The following GPBP1L1 variants were observed in gnomAD, a reference collection of about 807,000 sequenced individuals.
The protein encoded by GPBP1L1 is GC-rich promoter binding protein 1 like 1.
GPBP1L1 carries 23 observed loss-of-function variants against 52.5 expected under a neutral mutation model. That is an observed-to-expected ratio of 0.44 (90% CI 0.32 to 0.62). The LOEUF (loss-of-function observed/expected upper bound fraction) is 0.62, where lower values mean the gene tolerates loss of function less well. Among genes scored for constraint, GPBP1L1 ranks in the 20% least tolerant of loss-of-function variants. GPBP1L1 has a pLI of 0.06. For synonymous variants in GPBP1L1, 243 were observed against 203.1 expected, an observed-to-expected ratio of 1.20 and a Z score of -1.67; for missense variants, 596 against 579.3, an observed-to-expected ratio of 1.03 and a Z score of -0.30.
At chr1:45,655,091 GA>G (rs2148471512) in intron 5 of GPBP1L1, 98 bp downstream of exon 5, 2 of 1,459,492 alleles carry the variant, frequency 1.4e-6, no homozygotes, top group East Asian at 2.3e-5. Flanking sequence ...ACTATGTTCA[GA>G]AAAGATCCTA....
Position 45,628,412 on chromosome 1 carries a change from T to C in GPBP1L1, c.1273-4A>G, listed in dbSNP as rs1354114048. The stretch of plus-strand genomic sequence containing the variant: ...TTCCAAAGCCATTTCTTCTCAGCTA[T>C]GGTTAGCATGGGAGAGAAAGAAAAA... On this transcript the variant is annotated splice_polypyrimidine_tract_variant and splice_region_variant and intron_variant, in intron 12 of 12. Coordinates refer to ENST00000355105, the MANE Select transcript of GPBP1L1 (RefSeq NM_021639.5). 3.7e-6 allele frequency: 6 copies of C among 1,613,382 alleles called. No homozygotes were observed. Among genetic ancestry groups the C allele is most frequent in the African/African-American group, 2.7e-5 (2 of 74,878 alleles).
intron 2 of GPBP1L1, among the ~76,000 whole-genome samples, chr1:45,664,644 C>T (rs1644988219): frequency 6.6e-6 from 1 of 151,628 alleles, no homozygotes; most frequent in African/African-American, 2.4e-5. Flanking sequence ...GTCTCAAATG[C>T]CTGAGCTCAA....
intron 8 of GPBP1L1, among the ~76,000 whole-genome samples, chr1:45,635,988 T>C (rs558251409): frequency 6.6e-6 from 1 of 152,326 alleles, no homozygotes; most frequent in Admixed American, 6.5e-5. Flanking sequence ...CACCTTCTTA[T>C]TGCCAAACTT....
At chr1:45,687,879 A>T (rs1478684475), upstream of GPBP1L1, 2 of 152,234 alleles carry the variant, frequency 1.3e-5, no homozygotes. Context: ...CATAAGTCCC[A>T]CAGATGGCAA....
chr1:45,662,203 C>T (rs1417500966), intron 2 of GPBP1L1, among the ~76,000 whole-genome samples: 2 of 152,152 alleles, frequency 1.3e-5, no homozygotes, highest in East Asian at 1.9e-4. Context: ...GATCGTAGCT[C>T]GCTGCATCCT....
intron 2 of GPBP1L1, among the ~76,000 whole-genome samples, chr1:45,668,182 A>T (rs1244194806): frequency 1.3e-5 from 2 of 152,190 alleles, no homozygotes; most frequent in Non-Finnish European, 2.9e-5. Flanking sequence ...ATTCCCATTA[A>T]GTTAATCTAA....
chr1:45,685,647 T>C (rs1282747433), intron 1 of GPBP1L1, 27 bp from the exon 2 acceptor site: 1 of 152,174 alleles, frequency 6.6e-6, no homozygotes, highest in Admixed American at 6.5e-5. Flanking sequence ...TATCAAAAGA[T>C]TCAGTTAATG....
intron 2 of GPBP1L1, among the ~76,000 whole-genome samples, chr1:45,662,551 A>T (rs1407565634): frequency 1.3e-5 from 2 of 152,218 alleles, no homozygotes; most frequent in Admixed American, 6.5e-5. Flanking sequence ...CCAATTCAGC[A>T]GCCTTGCACT....
At chr1:45,673,270 G>C (rs1645096399) in intron 2 of GPBP1L1, among the ~76,000 whole-genome samples, 1 of 152,206 alleles carries the variant, frequency 6.6e-6, no homozygotes, top group Admixed American at 6.5e-5. Context: ...CAACTAAGTA[G>C]ACAGCAAGAC....
At chr1:45,650,320 T>A (rs896614040) in intron 6 of GPBP1L1, among the ~76,000 whole-genome samples, 1 of 152,184 alleles carries the variant, frequency 6.6e-6, no homozygotes, top group Non-Finnish European at 1.5e-5. Context: ...ACCACACTTG[T>A]CAATTTTGAA....
chr1:45,660,235 G>T lies in GPBP1L1; in HGVS notation c.-107C>A. Reference sequence around the variant, plus strand: ...TTTCTGAACTCGAGTCGGCCAGCTGGATCTCCCACAAGGTTTCCTTGTTAA... The same window carrying T: ...TTTCTGAACTCGAGTCGGCCAGCTGTATCTCCCACAAGGTTTCCTTGTTAA... On this transcript the variant is annotated 5_prime_UTR_variant, in exon 3 of 13. Coordinates refer to ENST00000355105, the MANE Select transcript of GPBP1L1 (RefSeq NM_021639.5). 1 of 985,262 alleles carries T rather than the reference G, an allele frequency of 1.0e-6. No individual in the cohort carries two copies. Among genetic ancestry groups the T allele is most frequent in the Non-Finnish European group, 1.2e-6 (1 of 829,930 alleles). 61.0% of individuals were successfully genotyped at this position (985,262 alleles called of 1,614,324 possible).
At chr1:45,678,939 C>T (rs1183321351) in intron 2 of GPBP1L1, among the ~76,000 whole-genome samples, 1 of 152,158 alleles carries the variant, frequency 6.6e-6, no homozygotes, top group Non-Finnish European at 1.5e-5. Context: ...AGACTACAAT[C>T]TGGAAAAAAA....
intron 2 of GPBP1L1, among the ~76,000 whole-genome samples, chr1:45,676,421 C>A (rs1166840397): frequency 1.3e-5 from 2 of 151,720 alleles, no homozygotes; most frequent in South Asian, 4.1e-4. Context: ...GGAAACAGGG[C>A]AAGACCCCAT....
At chr1:45,661,521 T>C (rs1644947057) in intron 2 of GPBP1L1, among the ~76,000 whole-genome samples, 1 of 151,800 alleles carries the variant, frequency 6.6e-6, no homozygotes, top group East Asian at 1.9e-4. Flanking sequence ...AATGTCGCCA[T>C]CTCAGCTCAC....
rs768406667 is a variant in GPBP1L1 at position 45,628,330 on chromosome 1, A to T, written c.1351T>A (p.Cys451Ser). 3.1e-6 allele frequency: 5 copies of T among 1,614,070 alleles called. No individual in the cohort carries two copies. In the East Asian group the frequency reaches 6.7e-5, roughly 22 times the overall value. ...SSLFSPWRST[C>S]KAEFEDSDTE... is the part of the protein sequence containing the mutation. ...TCTGAGTCCTCAAACTCTGCTTTGC[A>T]AGTGCTTCTCCAAGGGGAGAACAGA... is the stretch of plus-strand genomic sequence containing the variant. The change falls in exon 13 of 13, where the codon TGC (cysteine) becomes AGC (serine). Residue 451 changes from cysteine (C) to serine (S), a missense_variant. Coordinates refer to ENST00000355105, the MANE Select transcript of GPBP1L1 (RefSeq NM_021639.5).
At chr1:45,647,048 A>G (rs944371632) in intron 6 of GPBP1L1, among the ~76,000 whole-genome samples, 1 of 148,138 alleles carries the variant, frequency 6.8e-6, no homozygotes, top group African/African-American at 2.5e-5. Context: ...AATATTATTT[A>G]TTCTCTTTAT....
chr1:45,655,112 T>C (rs1304112035), intron 5 of GPBP1L1, 78 bp downstream of exon 5: 1 of 1,542,260 alleles, frequency 6.5e-7, no homozygotes, highest in African/African-American at 1.4e-5. Flanking sequence ...ATTTCAAGAT[T>C]ACAGACATGT....
chr1:45,657,687 C>A (rs1006123823), intron 4 of GPBP1L1, among the ~76,000 whole-genome samples: 1 of 151,952 alleles, frequency 6.6e-6, no homozygotes, highest in African/African-American at 2.4e-5. Context: ...CCTATCTCTA[C>A]AAAAAACCCA....
At position 45,686,461 on chromosome 1, in the gene GPBP1L1, G is replaced by A. The variant is rs1240483014; in HGVS notation, c.-1192C>T. ...GGGACTAGACGCTGCGTCTGAGGACGCGTCCCCAGCTTGTCGACCCGGCAG... is the reference window on the plus strand; with the variant it reads ...GGGACTAGACGCTGCGTCTGAGGACACGTCCCCAGCTTGTCGACCCGGCAG... On this transcript the variant is annotated 5_prime_UTR_variant, in exon 1 of 13. Coordinates refer to ENST00000355105, the MANE Select transcript of GPBP1L1 (RefSeq NM_021639.5). The A allele has an allele frequency of 6.6e-6, 1 of 152,352 alleles. No individual in the cohort carries two copies. Among genetic ancestry groups the A allele is most frequent in the Non-Finnish European group, 1.5e-5 (1 of 68,164 alleles). 9.4% of individuals were successfully genotyped at this position (152,352 alleles called of 1,614,324 possible). A position where few individuals can be genotyped will look rare whatever the true frequency, so the allele number is the denominator to read the frequency against.
Sources: allele counts gnomAD v4.1 joint callset (sites outside exome capture counted in the v4.1 genomes callset), GRCh38; gene constraint gnomAD v4.1.1; transcripts MANE v1.5; gene names NCBI Gene and HGNC (gene_info 2026-07-23, HGNC 2026-07-21).